Variants in COPS9 observed in about 807,000 individuals in gnomAD.
COPS9 encodes the protein COP9 signalosome subunit 9.
A neutral mutation model predicts 7.2 loss-of-function variants in COPS9; 8 were observed. The observed-to-expected ratio is 1.11, with a 90% confidence interval of 0.65 to 2.00. COPS9 has a LOEUF of 2.00. Ranked by LOEUF, COPS9 falls within the 30% of genes most tolerant of loss-of-function variation. The pLI is 0.00. For missense variants in COPS9, 74 were observed against 77.7 expected (o/e 0.95, Z 0.18); for synonymous variants, 39 against 28.7 (o/e 1.36, Z -1.14).
Position 240,134,025 on chromosome 2 carries a change from G to A in COPS9, c.64-20C>T. ...TCCCGCCTGGGGAATGGAAAGGCAA[G>A]GTTATGTCAGGTGCGTTTTCCGAAA... On this transcript the variant is annotated intron_variant, in intron 1 of 2. Transcript: ENST00000607357. The A allele has an allele frequency of 1.2e-6, 2 of 1,613,558 alleles. No homozygotes were observed. Among genetic ancestry groups the A allele is most frequent in the Non-Finnish European group, 1.7e-6 (2 of 1,179,540 alleles).
At chr2:240,134,819 T>C (rs1440145690) in intron 1 of COPS9, among the ~76,000 whole-genome samples, 2 of 152,072 alleles carry the variant, frequency 1.3e-5, no homozygotes, top group Non-Finnish European at 2.9e-5. Context: ...ATTCTACCAC[T>C]TGAAGCTTGT....
At chr2:240,129,643 C>A (rs2071900678), downstream of COPS9, among the ~76,000 whole-genome samples, 1 of 152,228 alleles carries the variant, frequency 6.6e-6, no homozygotes, top group Non-Finnish European at 1.5e-5. Context: ...CGACAGAATT[C>A]ACCCAAATAC....
chr2:240,136,036 C>A lies in COPS9; in HGVS notation c.63+186G>T. The stretch of plus-strand genomic sequence containing the variant: ...GCACACGCTTCCCGCCGCGGTCGGT[C>A]GCCGCCTTTCACCAGGTGCTCGGAG... On this transcript the variant is annotated intron_variant, in intron 1 of 2. Transcript: ENST00000607357. 3 of 1,001,286 alleles carry A rather than the reference C, an allele frequency of 3.0e-6. No individual in the cohort carries two copies. In the South Asian group the frequency reaches 6.5e-5, roughly 22 times the overall value. 62.0% of individuals were successfully genotyped at this position (1,001,286 alleles called of 1,614,324 possible).
At position 240,132,456 on chromosome 2, in the gene COPS9, G is replaced by A. The variant is rs1053434199; in HGVS notation, c.137-1368C>T. 1.3e-5 allele frequency among the ~76,000 whole-genome samples: 2 copies of A among 152,150 alleles called. No individual in the cohort carries two copies. Among genetic ancestry groups the A allele is most frequent in the Non-Finnish European group, 2.9e-5 (2 of 68,026 alleles). ...GAACTTAGTGGGTGGGCAGGCAGGG[G>A]ACACAGAGCTCTCCTGCGTCCCCTC... On this transcript the variant is annotated intron_variant, in intron 2 of 2. Transcript: ENST00000607357. This position sits in a 1 kb window ranked among gnomAD's most constrained non-coding sequence, Gnocchi z 4.1.
intron 1 of COPS9, among the ~76,000 whole-genome samples, chr2:240,134,659 A>G (rs948326448): frequency 6.6e-6 from 1 of 152,078 alleles, no homozygotes; most frequent in Admixed American, 6.5e-5. Context: ...CAGCATTCAC[A>G]AGGCCGCTTG....
downstream of COPS9, chr2:240,127,048 T>A: frequency 7.2e-7 from 1 of 1,384,814 alleles, no homozygotes; most frequent in Non-Finnish European, 9.8e-7. Context: ...AGAAGACAAG[T>A]ATTTCTACAA....
downstream of COPS9, chr2:240,129,953 CCCGTGCTCCGACTGCCCTCGCTGCAG>C: frequency 6.2e-7 from 1 of 1,614,034 alleles, no homozygotes; most frequent in Admixed American, 1.7e-5. Flanking sequence ...TCCCACGGAC[CCCGTGCTCCGACTGCCCTCGCTGCAG>C]TGCGGGAACC....
rs2071914804 is a variant in COPS9, at chr2:240,130,847, T to C, written c.*204A>G. Reference sequence around the variant, plus strand: ...CACATGTGACATTGCTTTCTTTTAATTGGAGTGAGGACAAAACCTGATCCC... The same window carrying C: ...CACATGTGACATTGCTTTCTTTTAACTGGAGTGAGGACAAAACCTGATCCC... On this transcript the variant is annotated 3_prime_UTR_variant, in exon 3 of 3. Transcript: ENST00000607357. The C allele has an allele frequency of 2.1e-6, 3 of 1,406,786 alleles. No individual in the cohort carries two copies. The highest frequency in any genetic ancestry group is 1.4e-5 in the African/African-American group (1 of 69,082). 87.1% of individuals were successfully genotyped at this position (1,406,786 alleles called of 1,614,324 possible).
chr2:240,131,528 C>T (rs748675014), intron 2 of COPS9, among the ~76,000 whole-genome samples: 5 of 152,184 alleles, frequency 3.3e-5, no homozygotes, highest in Non-Finnish European at 7.3e-5. Flanking sequence ...AGCCGGCTGC[C>T]GCTGTGAGCA....
At chr2:240,135,730 T>G (rs1415819479) in intron 1 of COPS9, 1 of 155,912 alleles carries the variant, frequency 6.4e-6, no homozygotes, top group Non-Finnish European at 1.4e-5. Flanking sequence ...TGACGGCTGC[T>G]CCAGTCTTCC....
chr2:240,129,916 C>T (rs779745141), downstream of COPS9: 51 of 1,613,716 alleles, frequency 3.2e-5, no homozygotes, highest in Non-Finnish European at 4.1e-5. Flanking sequence ...CTTACCTCTT[C>T]CGACACCACA....
At chr2:240,126,885 G>A (rs1158242289), downstream of COPS9, 2 of 1,614,114 alleles carry the variant, frequency 1.2e-6, no homozygotes, top group Non-Finnish European at 8.5e-7. Context: ...CCCATGGCCT[G>A]TGCTCCCAAA....
At chr2:240,131,543 A>T (rs2106555786) in intron 2 of COPS9, among the ~76,000 whole-genome samples, 1 of 152,332 alleles carries the variant, frequency 6.6e-6, no homozygotes, top group South Asian at 2.1e-4. Flanking sequence ...TGAGCATGAG[A>T]AAGCCGGGCT....
downstream of COPS9, among the ~76,000 whole-genome samples, chr2:240,129,312 GCCA>G (rs1479743042): frequency 2.0e-5 from 3 of 152,192 alleles, no homozygotes; most frequent in African/African-American, 7.2e-5. Context: ...ATAGGCACGT[GCCA>G]CCATGCTCAG....
intron 1 of COPS9, among the ~76,000 whole-genome samples, chr2:240,134,939 A>G (rs2071960195): frequency 6.6e-6 from 1 of 152,088 alleles, no homozygotes; most frequent in South Asian, 2.1e-4. Flanking sequence ...AGCAAGTCGG[A>G]GCCTCTCACT....
intron 1 of COPS9, among the ~76,000 whole-genome samples, chr2:240,134,658 C>A (rs369428883): frequency 1.3e-5 from 2 of 152,206 alleles, no homozygotes; most frequent in South Asian, 2.1e-4. Flanking sequence ...CCAGCATTCA[C>A]AAGGCCGCTT....
At chr2:240,134,105 G>A (rs1310061187) in intron 1 of COPS9, 100 bp from the exon 2 acceptor site, 2 of 1,101,016 alleles carry the variant, frequency 1.8e-6, no homozygotes, top group East Asian at 2.4e-5. Flanking sequence ...AAGAAGATGG[G>A]TGAGGGGAAA....
intron 2 of COPS9, 80 bp from the exon 3 acceptor site, chr2:240,131,168 T>C (rs1050563812): frequency 2.1e-6 from 3 of 1,402,024 alleles, no homozygotes; most frequent in Non-Finnish European, 2.0e-6. Context: ...AATTATATAG[T>C]AGTCCAAAAT....
At chr2:240,131,685 T>A (rs2071924623) in intron 2 of COPS9, among the ~76,000 whole-genome samples, 2 of 152,208 alleles carry the variant, frequency 1.3e-5, no homozygotes, top group South Asian at 4.1e-4. Context: ...GTGATCAAAA[T>A]CAGGCCCCCC....
Sources: gnomAD v4.1 joint callset for allele counts (sites outside exome capture counted in the v4.1 genomes callset) on GRCh38, gnomAD v4.1.1 for gene constraint, Gnocchi (gnomAD v3.1) non-coding constraint, MANE v1.5 for transcripts, NCBI Gene and HGNC (gene_info 2026-07-23, HGNC 2026-07-21) for gene names.